Variants in CRISPLD1 observed in about 807,000 individuals in gnomAD.
The protein encoded by CRISPLD1 is cysteine-rich secretory protein LCCL domain-containing 1.
Under a neutral mutation model 77.5 loss-of-function variants are expected in CRISPLD1, and 60 were observed. That is an observed-to-expected ratio of 0.77 (90% CI 0.63 to 0.96). The LOEUF (loss-of-function observed/expected upper bound fraction) is 0.96. Ranked by LOEUF, CRISPLD1 falls within the 40% of genes least tolerant of loss-of-function variation. CRISPLD1 has a pLI of 0.00. For synonymous variants in CRISPLD1, 195 were observed against 200.1 expected (o/e 0.97, Z 0.22); for missense variants, 623 against 615.8 (o/e 1.01, Z -0.12).
At chr8:74,998,710 T>TAAAAAAAAAA (rs1812685739) in intron 2 of CRISPLD1, among the ~76,000 whole-genome samples, 1 of 90,310 alleles carries the variant, frequency 1.1e-5, no homozygotes, top group African/African-American at 5.1e-5. Context: ...AAAAAAAAAG[T>TAAAAAAAAAA]AAAGTTCAAA....
Position 75,032,371 on chromosome 8 carries a change from A to G in CRISPLD1, c.*129A>G, listed in dbSNP as rs906572039. 1 of 479,678 alleles carries G rather than the reference A, an allele frequency of 2.1e-6. No homozygotes were observed. 29.7% of individuals were successfully genotyped at this position (479,678 alleles called of 1,614,324 possible). A position where few individuals can be genotyped will look rare whatever the true frequency, so the allele number is the denominator to read the frequency against. ...CAGCCCAAAAAGGTGCCAAATGCAT[A>G]TAAATCTTGATAAACAAAGTCTATA... On this transcript the variant is annotated 3_prime_UTR_variant, in exon 15 of 15. Transcript: ENST00000262207.
chr8:75,001,772 A>T (rs1812746359), intron 2 of CRISPLD1, among the ~76,000 whole-genome samples: 1 of 152,176 alleles, frequency 6.6e-6, no homozygotes, highest in Non-Finnish European at 1.5e-5. Flanking sequence ...CAAATGGTGG[A>T]AACAACCTTG....
At chr8:74,991,617 G>A (rs1159833060) in intron 2 of CRISPLD1, among the ~76,000 whole-genome samples, 8 of 152,134 alleles carry the variant, frequency 5.3e-5, no homozygotes, top group African/African-American at 1.9e-4. Context: ...TGCAATGTCC[G>A]CCTCCCAGGC....
intron 13 of CRISPLD1, among the ~76,000 whole-genome samples, chr8:75,028,002 C>T (rs1813262452): frequency 1.3e-5 from 2 of 152,178 alleles, no homozygotes; most frequent in African/African-American, 4.8e-5. Context: ...AGTCTCAAAA[C>T]ATATTAAATA....
rs368924706 is a variant in CRISPLD1 at position 75,032,405 on chromosome 8, C to CATGGGA, written c.*164_*169dup. ...GATAAACAAAGTCTATAAAATAAAA[C>CATGGGA]ATGGGACATTAGCTTTGGGAAAAGT... On this transcript the variant is annotated 3_prime_UTR_variant, in exon 15 of 15. Coordinates refer to ENST00000262207, the MANE Select transcript of CRISPLD1 (RefSeq NM_031461.6). 638 of 436,836 alleles carry CATGGGA rather than the reference C, an allele frequency of 1.5e-3. 1 individual carries two copies. Among genetic ancestry groups the CATGGGA allele is most frequent in the African/African-American group, 0.011 (558 of 49,220 alleles). 27.1% of individuals were successfully genotyped at this position (436,836 alleles called of 1,614,324 possible).
rs10102408 is a variant in CRISPLD1, at chr8:75,010,354, G to A, written c.259-2079G>A. Among the ~76,000 whole-genome samples the A allele has an allele frequency of 9.8e-3, 1,488 of 152,068 alleles. 6 individuals carry two copies. The highest frequency in any genetic ancestry group is 0.02 in the African/African-American group (824 of 41,486). On this transcript the variant is annotated intron_variant, in intron 2 of 14. Coordinates refer to ENST00000262207, the MANE Select transcript of CRISPLD1 (RefSeq NM_031461.6). ...GTCCCTAGGGTGTTTTCCTTTTGGC[G>A]TATTGACATGATTAGATTCCCTGTA...
chr8:75,013,807 A>C (rs1035696597), intron 4 of CRISPLD1, among the ~76,000 whole-genome samples, 180 bp from the exon 5 acceptor site: 11 of 152,142 alleles, frequency 7.2e-5, no homozygotes, highest in African/African-American at 2.7e-4. Flanking sequence ...TCTGTTTTTA[A>C]AATTGAATTA....
In CRISPLD1 at chr8:74,985,446, A is replaced by T. The variant is rs541118041; in HGVS notation, c.-62-480A>T. On this transcript the variant is annotated intron_variant, in intron 1 of 14. Coordinates refer to ENST00000262207, the MANE Select transcript of CRISPLD1 (RefSeq NM_031461.6). ...CACTCTCAATTTTAGAATGCTGTGG[A>T]CATTCTGAGTGTGAAACAGAGATGG... Among the ~76,000 whole-genome samples the T allele has an allele frequency of 2.5e-4, 38 of 152,318 alleles. No homozygotes were observed. In the East Asian group the frequency reaches 6.9e-3, roughly 28 times the overall value.
In CRISPLD1 at chr8:75,000,052, GA is replaced by G; in HGVS notation, c.259-12380del. 3 of 716,904 alleles carry G rather than the reference GA, an allele frequency of 4.2e-6. No individual in the cohort carries two copies. The African/African-American group carries it at 5.9e-5, about 14-fold the overall frequency. 44.4% of individuals were successfully genotyped at this position (716,904 alleles called of 1,614,324 possible). The stretch of plus-strand genomic sequence containing the variant: ...TTGGAAGGCAGCAACTAGATACAAG[GA>G]TAATGAGCTATTAGGCAAGACCAGG... On this transcript the variant is annotated intron_variant, in intron 2 of 14. Coordinates refer to ENST00000262207, the MANE Select transcript of CRISPLD1 (RefSeq NM_031461.6).
At chr8:75,004,402 C>T (rs1445553104) in intron 2 of CRISPLD1, among the ~76,000 whole-genome samples, 3 of 152,136 alleles carry the variant, frequency 2.0e-5, no homozygotes, top group Non-Finnish European at 4.4e-5. Flanking sequence ...ACTCTTTCAG[C>T]ACAGATTTAT....
In CRISPLD1 at chr8:75,027,417, A is replaced by G. The variant is rs148266710; in HGVS notation, c.1320+1796A>G. On this transcript the variant is annotated intron_variant, in intron 13 of 14. Coordinates refer to ENST00000262207, the MANE Select transcript of CRISPLD1 (RefSeq NM_031461.6). Reference sequence around the variant, plus strand: ...TACTTTTCAGATTTTCCCTTTAAGCAGGAGAACTTTTAATTTTAGTCACGT... The same window carrying G: ...TACTTTTCAGATTTTCCCTTTAAGCGGGAGAACTTTTAATTTTAGTCACGT... Among the ~76,000 whole-genome samples the G allele has an allele frequency of 8.9e-3, 1,357 of 152,342 alleles. 23 individuals carry two copies. Among genetic ancestry groups the G allele is most frequent in the African/African-American group, 0.031 (1,297 of 41,574 alleles).
intron 2 of CRISPLD1, among the ~76,000 whole-genome samples, chr8:74,989,542 T>TTTG (rs113487863): frequency 8.4e-4 from 48 of 57,424 alleles, no homozygotes; most frequent in African/African-American, 6.7e-3. Context: ...CATTTTTATG[T>TTTG]TTTTTTTTTT....
chr8:74,993,128 G>C (rs1812598718), intron 2 of CRISPLD1, among the ~76,000 whole-genome samples: 1 of 152,062 alleles, frequency 6.6e-6, no homozygotes, highest in Admixed American at 6.5e-5. Context: ...ATAAAGAAAT[G>C]ATGGCCTTAT....
chr8:74,989,955 C>G (rs941128875), intron 2 of CRISPLD1, among the ~76,000 whole-genome samples: 4 of 152,054 alleles, frequency 2.6e-5, no homozygotes, highest in African/African-American at 9.7e-5. Flanking sequence ...TCTTTTGCAG[C>G]AATGTGAATG....
At chr8:75,014,685 T>G in intron 5 of CRISPLD1, 127 bp from the exon 6 acceptor site, 2 of 577,882 alleles carry the variant, frequency 3.5e-6, no homozygotes, top group Non-Finnish European at 5.8e-6. Flanking sequence ...TATAATAAAT[T>G]ATATGAATGT....
intron 2 of CRISPLD1, among the ~76,000 whole-genome samples, chr8:74,987,071 G>T (rs1278568295): frequency 6.6e-6 from 1 of 152,088 alleles, no homozygotes; most frequent in African/African-American, 2.4e-5. Flanking sequence ...ACAAACATTG[G>T]AAATGGCATT....
rs758899745 is a variant in CRISPLD1 at position 75,012,922 on chromosome 8, G to A, written c.410G>A (p.Trp137Ter). Residue 137 changes from tryptophan (W) to a stop codon, truncating the protein, a stop_gained, in exon 4 of 15, where the codon TGG (tryptophan) becomes TAG (stop). Coordinates refer to ENST00000262207, the MANE Select transcript of CRISPLD1 (RefSeq NM_031461.6). LOFTEE classifies it high-confidence loss of function. Reference protein sequence around the residue: ...YRPPTFHVQSWYDEVKDFSYP... With the variant: ...YRPPTFHVQS Reference sequence around the variant, plus strand: ...CCCCCGACGTTTCATGTACAATCGTGGTATGATGAAGTGAAAGACTTTAGC... The same window carrying A: ...CCCCCGACGTTTCATGTACAATCGTAGTATGATGAAGTGAAAGACTTTAGC... 2.1e-5 allele frequency: 34 copies of A among 1,612,346 alleles called. No individual in the cohort carries two copies. The highest frequency in any genetic ancestry group is 2.9e-5 in the Non-Finnish European group (34 of 1,179,174).
intron 2 of CRISPLD1, among the ~76,000 whole-genome samples, chr8:74,987,677 G>C (rs1812516584): frequency 6.6e-6 from 1 of 152,138 alleles, no homozygotes; most frequent in Non-Finnish European, 1.5e-5. Flanking sequence ...AAAATTCTAT[G>C]ACTTCTTCAT....
chr8:75,010,141 T>A (rs1282263636), intron 2 of CRISPLD1, among the ~76,000 whole-genome samples: 1 of 152,142 alleles, frequency 6.6e-6, no homozygotes, highest in East Asian at 1.9e-4. Flanking sequence ...GTATTTTTGC[T>A]AGAAAATTAA....
Sources: allele counts gnomAD v4.1 joint callset (sites outside exome capture counted in the v4.1 genomes callset), GRCh38; gene constraint gnomAD v4.1.1; transcripts MANE v1.5; gene names NCBI Gene and HGNC (gene_info 2026-07-23, HGNC 2026-07-21).